Variants in CAMK1D observed in about 807,000 individuals in gnomAD.
CAMK1D encodes calcium/calmodulin-dependent protein kinase type 1D.
A neutral mutation model predicts 47.7 loss-of-function variants in CAMK1D; 9 were observed. The ratio of observed to expected loss-of-function variants is 0.19; its 90% CI spans 0.11 to 0.33. The LOEUF is 0.33. Ranked by LOEUF, CAMK1D falls within the 10% of genes least tolerant of loss-of-function variation. The pLI is 1.00. For missense variants in CAMK1D, 291 were observed against 488.7 expected, an observed-to-expected ratio of 0.60 and a Z score of 3.81; for synonymous variants, 184 against 184.9, an observed-to-expected ratio of 0.99 and a Z score of 0.04.
chr10:12,717,355 T>A (rs1405186193), intron 3 of CAMK1D, among the ~76,000 whole-genome samples: 1 of 152,102 alleles, frequency 6.6e-6, no homozygotes, highest in African/African-American at 2.4e-5. Flanking sequence ...TATAAAAAAA[T>A]AATCACCACC....
chr10:12,606,244 G>A (rs922720480), intron 2 of CAMK1D, among the ~76,000 whole-genome samples: 1 of 152,192 alleles, frequency 6.6e-6, no homozygotes, highest in Non-Finnish European at 1.5e-5. Flanking sequence ...TTTCTGCTCT[G>A]CCCCATGGGC....
At chr10:12,683,342 TC>T (rs912089304) in intron 3 of CAMK1D, among the ~76,000 whole-genome samples, 1 of 152,144 alleles carries the variant, frequency 6.6e-6, no homozygotes, top group Non-Finnish European at 1.5e-5. Context: ...CTCCTTGGTC[TC>T]CCAAAGTGCT....
chr10:12,772,463 C>T lies in CAMK1D; in HGVS notation c.565+2664C>T, dbSNP rs531297346. Among the ~76,000 whole-genome samples, 207 of 152,304 alleles carry T rather than the reference C, an allele frequency of 1.4e-3. 1 individual carries two copies. In the South Asian group the frequency reaches 0.015, roughly 11 times the overall value. ...TAAATGCTCTGACAACCAGTGACGG[C>T]CCCTAGCTACGTACGCATCACGTGC... On this transcript the variant is annotated intron_variant, in intron 5 of 10. Transcript: ENST00000619168.
At chr10:12,691,902 A>G (rs1832947301) in intron 3 of CAMK1D, among the ~76,000 whole-genome samples, 2 of 152,138 alleles carry the variant, frequency 1.3e-5, no homozygotes, top group African/African-American at 4.8e-5. Context: ...TATTACTTGT[A>G]AATTACATCC....
intron 1 of CAMK1D, among the ~76,000 whole-genome samples, chr10:12,444,035 A>G (rs547790216): frequency 6.6e-6 from 1 of 152,272 alleles, no homozygotes; most frequent in East Asian, 1.9e-4. Context: ...TGTCGTTACC[A>G]TGGCATTTGT....
intron 8 of CAMK1D, 133 bp downstream of exon 8, chr10:12,816,461 T>G: frequency 3.4e-5 from 23 of 677,362 alleles, no homozygotes; most frequent in Non-Finnish European, 5.3e-5. Flanking sequence ...TTCTGGCCAG[T>G]GACTTTCCTC....
At chr10:12,628,089 A>C (rs954828211) in intron 2 of CAMK1D, among the ~76,000 whole-genome samples, 5 of 134,334 alleles carry the variant, frequency 3.7e-5, no homozygotes, top group African/African-American at 1.3e-4. Flanking sequence ...TCAAAAAAAA[A>C]CAAAAAACAA....
intron 1 of CAMK1D, among the ~76,000 whole-genome samples, chr10:12,460,518 C>T (rs1420924005): frequency 6.6e-6 from 1 of 152,056 alleles, no homozygotes; most frequent in Non-Finnish European, 1.5e-5. Context: ...CTGCATCCTC[C>T]TCCTCCTGGG....
chr10:12,388,841 G>A lies in CAMK1D; in HGVS notation c.92+38931G>A, dbSNP rs374100095. Among the ~76,000 whole-genome samples, 7 of 152,276 alleles carry A rather than the reference G, an allele frequency of 4.6e-5. No individual in the cohort carries two copies. In the East Asian group the frequency reaches 1.2e-3, roughly 25 times the overall value. On this transcript the variant is annotated intron_variant, in intron 1 of 10. Transcript: ENST00000619168. ...CTTAGGAAGTCGTGAGATGCAGCAC[G>A]AATGTGATTTTGTTACCACGCTCCC...
chr10:12,389,271 C>T (rs370676726), intron 1 of CAMK1D, among the ~76,000 whole-genome samples: 1 of 152,122 alleles, frequency 6.6e-6, no homozygotes, highest in African/African-American at 2.4e-5. Flanking sequence ...GGCGGTGGCG[C>T]GTGCCAGCCC....
chr10:12,526,823 C>T (rs1042967435), intron 1 of CAMK1D, among the ~76,000 whole-genome samples: 3 of 147,264 alleles, frequency 2.0e-5, no homozygotes, highest in African/African-American at 7.6e-5. Context: ...CAGGCTGAGG[C>T]AGGAGGATCA....
At chr10:12,784,645 T>A (rs1164486660) in intron 5 of CAMK1D, among the ~76,000 whole-genome samples, 2 of 152,272 alleles carry the variant, frequency 1.3e-5, no homozygotes, top group Non-Finnish European at 2.9e-5. Context: ...CTCTTGCTTT[T>A]ACCTAATACA....
chr10:12,801,325 C>A (rs1310936311), intron 6 of CAMK1D, among the ~76,000 whole-genome samples: 1 of 114,834 alleles, frequency 8.7e-6, no homozygotes, highest in Non-Finnish European at 1.8e-5. Flanking sequence ...ATCTATCTAT[C>A]TATCTATCTA....
chr10:12,427,512 G>A (rs187686368), intron 1 of CAMK1D, among the ~76,000 whole-genome samples: 1 of 152,066 alleles, frequency 6.6e-6, no homozygotes, highest in Non-Finnish European at 1.5e-5. Flanking sequence ...GCCAGTCTTG[G>A]CCTCCCCGGA....
At chr10:12,720,083 G>T (rs1179639402) in intron 3 of CAMK1D, among the ~76,000 whole-genome samples, 1 of 152,224 alleles carries the variant, frequency 6.6e-6, no homozygotes, top group African/African-American at 2.4e-5. Context: ...ACAACCCTTT[G>T]AGTAGCAAGA....
intron 2 of CAMK1D, among the ~76,000 whole-genome samples, chr10:12,565,843 C>T (rs1485231794): frequency 6.6e-6 from 1 of 151,964 alleles, no homozygotes; most frequent in Non-Finnish European, 1.5e-5. Flanking sequence ...CGTCTGCTGT[C>T]CCTGTGTTCT....
intron 2 of CAMK1D, among the ~76,000 whole-genome samples, chr10:12,602,716 T>C (rs1022305376): frequency 1.3e-5 from 2 of 151,966 alleles, no homozygotes; most frequent in African/African-American, 2.4e-5. Flanking sequence ...GGGGAGGACC[T>C]GCATTGTTTC....
At chr10:12,751,076 GATAA>G (rs1835935540) in intron 3 of CAMK1D, among the ~76,000 whole-genome samples, 1 of 44,464 alleles carries the variant, frequency 2.2e-5, no homozygotes, top group Non-Finnish European at 4.5e-5. Context: ...GATAAGATAA[GATAA>G]GATAAGATAA....
chr10:12,801,337 C>CT (rs1269122572), intron 6 of CAMK1D, among the ~76,000 whole-genome samples: 2 of 104,422 alleles, frequency 1.9e-5, no homozygotes, highest in Non-Finnish European at 3.8e-5. Context: ...ATCTATCTAT[C>CT]TATCTATCTA....
Sources: allele counts gnomAD v4.1 joint callset (sites outside exome capture counted in the v4.1 genomes callset), GRCh38; gene constraint gnomAD v4.1.1; transcripts MANE v1.5; gene names NCBI Gene and HGNC (gene_info 2026-07-23, HGNC 2026-07-21).